The following HSF2 variants were observed in gnomAD, a reference collection of about 807,000 sequenced individuals.
The protein encoded by HSF2 is heat shock transcription factor 2, also known as heat shock factor protein 2.
In HSF2, 21 loss-of-function variants were observed where a neutral mutation model predicts 65.0. That is an observed-to-expected ratio of 0.32 (90% confidence interval 0.23 to 0.47). The LOEUF (loss-of-function observed/expected upper bound fraction) is 0.47, where lower values mean the gene tolerates loss of function less well. HSF2 is among the 20% of genes least tolerant of loss of function. The probability of loss-of-function intolerance (pLI) is 1.00; values close to 1 mark genes in which losing one functional copy is unlikely to be tolerated. For missense variants in HSF2, 499 were observed against 628.1 expected, an observed-to-expected ratio of 0.79 and a Z score of 2.20; for synonymous variants, 225 against 219.1, an observed-to-expected ratio of 1.03 and a Z score of -0.24.
Position 122,413,775 on chromosome 6 carries a change from A to C in HSF2, c.455+126A>C, listed in dbSNP as rs138720885. On this transcript the variant is annotated intron_variant, in intron 4 of 12. Transcript: ENST00000368455. ...GATCACTTTGTTGAAGCCAAGATCAAAGGTCATTTTTCTGCAAGTATTGGT... is the reference window on the plus strand; with the variant it reads ...GATCACTTTGTTGAAGCCAAGATCACAGGTCATTTTTCTGCAAGTATTGGT... 627 of 790,140 alleles carry C rather than the reference A, an allele frequency of 7.9e-4. 5 individuals are homozygous for C. The African/African-American group carries it at 9.7e-3, about 12-fold the overall frequency. The allele number at this position is 790,140 out of a possible 1,614,324, so 48.9% of individuals were successfully genotyped here. A position where few individuals can be genotyped will look rare whatever the true frequency, so the allele number is the denominator to read the frequency against.
At chr6:122,422,386 AAAT>A (rs1582617949) in intron 8 of HSF2, 88 bp downstream of exon 8, 1 of 991,318 alleles carries the variant, frequency 1.0e-6, no homozygotes, top group African/African-American at 1.6e-5. Context: ...GTTCTTTGAA[AAAT>A]AATAATCTTT....
chr6:122,432,000 A>G lies in HSF2; in HGVS notation c.1391A>G (p.Gln464Arg), dbSNP rs748486216. 6.2e-7 allele frequency: 1 copy of G among 1,613,968 alleles called. No individual in the cohort carries two copies. Residue 464 changes from glutamine (Q) to arginine (R), a missense_variant, in exon 13 of 13, where the codon CAG becomes CGG. Gln to Arg is a conservative substitution (Grantham distance 43). Around this residue, in one of 2 missense-constraint regions of HSF2, gnomAD observed 349 missense variants for 393.5 expected, o/e 0.89. Coordinates refer to ENST00000368455, the MANE Select transcript of HSF2 (RefSeq NM_004506.4). ...GGGAACCCTGCTTCTTCTGTTGAACAGGCGAGTACAACAGCATCATCAGAA... is the reference window on the plus strand; with the variant it reads ...GGGAACCCTGCTTCTTCTGTTGAACGGGCGAGTACAACAGCATCATCAGAA... The part of the protein sequence containing the change: ...LDGNPASSVE[Q>R]ASTTASSEVL...
chr6:122,404,453 A>G (rs1266355107), intron 1 of HSF2, among the ~76,000 whole-genome samples: 1 of 152,226 alleles, frequency 6.6e-6, no homozygotes, highest in African/African-American at 2.4e-5. Context: ...AGAATGAGCT[A>G]AAGACTCTAA....
At position 122,431,941 on chromosome 6, in the gene HSF2, G is replaced by T. The variant is rs1774479234; in HGVS notation, c.1332G>T (p.Gln444His). The T allele has an allele frequency of 1.2e-6, 2 of 1,613,654 alleles. No individual in the cohort carries two copies. Among genetic ancestry groups the T allele is most frequent in the Non-Finnish European group, 1.7e-6 (2 of 1,179,832 alleles). ...SKSKPDKQLIQYTAFPLLAFL... is the reference protein window; with the variant it reads ...SKSKPDKQLIHYTAFPLLAFL... The stretch of plus-strand genomic sequence containing the variant: ...TCTTTATAGATAAGCAGCTTATCCA[G>T]TATACCGCCTTTCCACTTCTTGCAT... The change falls in exon 13 of 13, where the codon CAG becomes CAT. Residue 444 changes from glutamine (Q) to histidine (H), a missense_variant. Around this residue, in one of 2 missense-constraint regions of HSF2, gnomAD observed 349 missense variants for 393.5 expected, o/e 0.89. Coordinates refer to ENST00000368455, the MANE Select transcript of HSF2 (RefSeq NM_004506.4).
rs1201439298 is a variant in HSF2, at chr6:122,431,525, A to T, written c.1315+11A>T. On this transcript the variant is annotated intron_variant, in intron 12 of 12. Transcript: ENST00000368455. ...CTAAATCCAAACCAGGTAGGTATAA[A>T]TATAGTATTCAGTCTCTGTAGGTTT... The T allele has an allele frequency of 2.1e-6, 3 of 1,462,260 alleles. No individual in the cohort carries two copies. The highest frequency in any genetic ancestry group is 2.9e-6 in the Non-Finnish European group (3 of 1,049,286). 90.6% of individuals were successfully genotyped at this position (1,462,260 alleles called of 1,614,324 possible). A position where few individuals can be genotyped will look rare whatever the true frequency, so the allele number is the denominator to read the frequency against.
Position 122,422,685 on chromosome 6 carries a change from T to G in HSF2, c.831-33T>G, listed in dbSNP as rs569942295. 3.1e-6 allele frequency: 5 copies of G among 1,605,992 alleles called. No homozygotes were observed. The Admixed American group carries it at 6.7e-5, about 22-fold the overall frequency. On this transcript the variant is annotated intron_variant, in intron 8 of 12. Transcript: ENST00000368455. ...AGTATGAACTTATTAAATTTGAAAA[T>G]GTAATAGGTTCCTTCTTTTATTGCT...
chr6:122,425,053 C>A (rs183040665), intron 10 of HSF2, among the ~76,000 whole-genome samples: 1 of 151,902 alleles, frequency 6.6e-6, no homozygotes. Flanking sequence ...CCAATGTGTA[C>A]CCCTATCCTT....
At chr6:122,403,932 G>A (rs1283236842) in intron 1 of HSF2, among the ~76,000 whole-genome samples, 2 of 152,180 alleles carry the variant, frequency 1.3e-5, no homozygotes, top group Non-Finnish European at 2.9e-5. Flanking sequence ...GTAAAAAACA[G>A]CCTTTACGAG....
chr6:122,411,936 A>G (rs1582609887), intron 1 of HSF2, among the ~76,000 whole-genome samples: 1 of 152,134 alleles, frequency 6.6e-6, no homozygotes, highest in African/African-American at 2.4e-5. Flanking sequence ...AATTGATTTT[A>G]CAAAGATACA....
intron 3 of HSF2, 149 bp downstream of exon 3, chr6:122,412,913 AT>A: frequency 1.4e-6 from 1 of 722,382 alleles, no homozygotes; most frequent in Non-Finnish European, 2.1e-6. Context: ...GTTTCCCTGT[AT>A]TTTTTTCCTA....
chr6:122,414,092 CAAAA>C (rs762082880), intron 4 of HSF2, among the ~76,000 whole-genome samples: 18 of 151,926 alleles, frequency 1.2e-4, no homozygotes, highest in Admixed American at 3.3e-4. Context: ...AAGTAGGACA[CAAAA>C]AAATCGGAAA....
chr6:122,409,253 G>A (rs935788677), intron 1 of HSF2, among the ~76,000 whole-genome samples: 4 of 151,916 alleles, frequency 2.6e-5, no homozygotes, highest in Admixed American at 1.3e-4. Context: ...CCAGAGAGTC[G>A]AACATTTAAG....
At chr6:122,414,719 CG>C (rs1304735681) in intron 4 of HSF2, among the ~76,000 whole-genome samples, 1 of 152,096 alleles carries the variant, frequency 6.6e-6, no homozygotes, top group Non-Finnish European at 1.5e-5. Flanking sequence ...CTCCGCCTGC[CG>C]GTTCAAGCGA....
chr6:122,423,721 G>GT, intron 10 of HSF2, 35 bp downstream of exon 10: 1 of 1,176,416 alleles, frequency 8.5e-7, no homozygotes, highest in Non-Finnish European at 1.3e-6. Flanking sequence ...TATACTGGTA[G>GT]TTTGTGTGTT....
intron 1 of HSF2, 44 bp downstream of exon 1, chr6:122,399,874 C>T (rs756159183): frequency 1.5e-4 from 210 of 1,388,102 alleles, no homozygotes; most frequent in Middle Eastern, 2.1e-4. Flanking sequence ...TGAATAACCG[C>T]CTCCTCACTC....
At chr6:122,405,408 G>C (rs1448841154) in intron 1 of HSF2, among the ~76,000 whole-genome samples, 2 of 152,276 alleles carry the variant, frequency 1.3e-5, no homozygotes, top group East Asian at 3.9e-4. Context: ...AAGAGGGTAA[G>C]TTTAATAGAG....
At chr6:122,426,143 A>G (rs1440986900) in intron 10 of HSF2, among the ~76,000 whole-genome samples, 1 of 152,028 alleles carries the variant, frequency 6.6e-6, no homozygotes, top group Non-Finnish European at 1.5e-5. Context: ...TCATTATTTT[A>G]TCCTTGAATT....
At position 122,417,952 on chromosome 6, in the gene HSF2, C is replaced by T. The variant is rs555161231; in HGVS notation, c.532-1216C>T. On this transcript the variant is annotated intron_variant, in intron 5 of 12. Transcript: ENST00000368455. The stretch of plus-strand genomic sequence containing the variant: ...TTTTCATAGACTCTAATACTATGAA[C>T]CTCTTCAGTTAAAATGTCTATATTT... Among the ~76,000 whole-genome samples the T allele has an allele frequency of 5.9e-5, 9 of 152,068 alleles. No homozygotes were observed. The South Asian group carries it at 1.9e-3, about 32-fold the overall frequency.
At chr6:122,431,669 G>A (rs1774471892) in intron 12 of HSF2, among the ~76,000 whole-genome samples, 155 bp downstream of exon 12, 2 of 117,772 alleles carry the variant, frequency 1.7e-5, no homozygotes, top group South Asian at 3.1e-4. Flanking sequence ...AATTGGTGAG[G>A]TAACAATTCT....
Sources: allele counts gnomAD v4.1 joint callset (sites outside exome capture counted in the v4.1 genomes callset), GRCh38; gene constraint gnomAD v4.1.1; regional missense constraint gnomAD v4.1.1; transcripts MANE v1.5; gene names NCBI Gene and HGNC (gene_info 2026-07-23, HGNC 2026-07-21).